The following SAXO2 variants were observed in gnomAD, a reference collection of about 807,000 sequenced individuals.
SAXO2 encodes family with sequence similarity 154, member B.
In SAXO2, 17 loss-of-function variants were observed where a neutral mutation model predicts 18.7. The ratio of observed to expected loss-of-function variants is 0.91; its 90% confidence interval spans 0.62 to 1.36. The LOEUF is 1.36. Among genes scored for constraint, SAXO2 ranks in the 40% most tolerant of loss-of-function variants. SAXO2 has a pLI of 0.00. For missense variants in SAXO2, 486 were observed against 562.6 expected (o/e 0.86, Z 1.38); for synonymous variants, 163 against 181.2 (o/e 0.90, Z 0.81).
intron 1 of SAXO2, among the ~76,000 whole-genome samples, chr15:82,265,073 G>T (rs981854208): frequency 6.6e-6 from 1 of 152,230 alleles, no homozygotes; most frequent in African/African-American, 2.4e-5. Context: ...CCACCACATA[G>T]GGATAGACCA....
At chr15:82,273,260 A>C (rs1029415737) in intron 3 of SAXO2, among the ~76,000 whole-genome samples, 1 of 152,094 alleles carries the variant, frequency 6.6e-6, no homozygotes, top group Admixed American at 6.6e-5. Context: ...AGTAGATATT[A>C]CTTTTATATC....
In SAXO2 at chr15:82,282,739, T is replaced by C. The variant is rs148788450; in HGVS notation, c.1054T>C (p.Trp352Arg). 1.1e-4 allele frequency: 177 copies of C among 1,614,078 alleles called. No homozygotes were observed. Among genetic ancestry groups the C allele is most frequent in the Non-Finnish European group, 1.4e-4 (168 of 1,180,028 alleles). The part of the protein sequence containing the change: ...KSIMKEDFPA[W>R]ESCRQGLIKK... The stretch of plus-strand genomic sequence containing the variant: ...CATCATGAAAGAAGATTTTCCAGCA[T>C]GGGAAAGTTGTCGTCAAGGACTTAT... Residue 352 changes from tryptophan to arginine, a missense_variant, in exon 4 of 4, where the codon TGG becomes CGG. Coordinates refer to ENST00000682753, the MANE Select transcript of SAXO2 (RefSeq NM_001348699.2).
At chr15:82,268,479 G>A (rs113978367) in intron 2 of SAXO2, among the ~76,000 whole-genome samples, 4 of 152,136 alleles carry the variant, frequency 2.6e-5, no homozygotes, top group Non-Finnish European at 5.9e-5. Context: ...GTAAGACATC[G>A]GATCTTTTCT....
Position 82,284,616 on chromosome 15 carries a change from G to A in SAXO2, c.*1554G>A, listed in dbSNP as rs1173480062. ...AAGAATGATGCCAGTAAGTATAGTA[G>A]AAACACTCTATTGCATTTATAAATG... On this transcript the variant is annotated 3_prime_UTR_variant, in exon 4 of 4. Coordinates refer to ENST00000682753, the MANE Select transcript of SAXO2 (RefSeq NM_001348699.2). 6.6e-6 allele frequency: 1 copy of A among 152,108 alleles called. No individual in the cohort carries two copies. The highest frequency in any genetic ancestry group is 1.5e-5 in the Non-Finnish European group (1 of 68,030). 9.4% of individuals were successfully genotyped at this position (152,108 alleles called of 1,614,324 possible).
chr15:82,264,679 A>G (rs1290310851), intron 1 of SAXO2: 9 of 702,382 alleles, frequency 1.3e-5, no homozygotes, highest in Non-Finnish European at 2.3e-5. Flanking sequence ...ACAGACCAGG[A>G]CTGACAAGGG....
intron 3 of SAXO2, among the ~76,000 whole-genome samples, chr15:82,276,379 A>G (rs1413170406): frequency 6.6e-6 from 1 of 152,184 alleles, no homozygotes; most frequent in East Asian, 1.9e-4. Flanking sequence ...ATAGAACCCA[A>G]AAAGAGCCTG....
rs149036522 is a variant in SAXO2 at position 82,272,834 on chromosome 15, C to T, written c.433+1032C>T. On this transcript the variant is annotated intron_variant, in intron 3 of 3. Coordinates refer to ENST00000682753, the MANE Select transcript of SAXO2 (RefSeq NM_001348699.2). ...CTAAGATCAAAGGCGTGAGCCACCA[C>T]GCGTGGCCCAAAAACCTGATTTTAA... 3.3e-3 allele frequency among the ~76,000 whole-genome samples: 495 copies of T among 151,950 alleles called. 2 individuals are homozygous for T. The highest frequency in any genetic ancestry group is 4.9e-3 in the Non-Finnish European group (332 of 67,974).
chr15:82,262,898 A>C lies in SAXO2; in HGVS notation c.19A>C (p.Arg7=), dbSNP rs1355572476. The C allele has an allele frequency of 1.2e-6, 2 of 1,603,280 alleles. No homozygotes were observed. The highest frequency in any genetic ancestry group is 1.7e-6 in the Non-Finnish European group (2 of 1,174,896). The part of the protein sequence containing the change: MGAKSM[R]SWCLCQICSC... The stretch of plus-strand genomic sequence containing the variant: ...GGAAAGCATGGGAGCCAAGAGTATG[A>C]GGAGCTGGTGTCTGTGTCAGATTTG... Residue 7 remains arginine (R), a synonymous_variant, in exon 1 of 4, where the codon AGG becomes CGG. Coordinates refer to ENST00000682753, the MANE Select transcript of SAXO2 (RefSeq NM_001348699.2).
intron 1 of SAXO2, among the ~76,000 whole-genome samples, chr15:82,264,079 T>G (rs1361071180): frequency 2.0e-5 from 3 of 149,692 alleles, no homozygotes; most frequent in East Asian, 1.9e-4. Flanking sequence ...TTTTTTTTTT[T>G]TTTTTTTTTT....
rs1386307649 is a variant in SAXO2, at chr15:82,284,511, G to A, written c.*1449G>A. 6.6e-6 allele frequency: 1 copy of A among 151,974 alleles called. No homozygotes were observed. Among genetic ancestry groups the A allele is most frequent in the Admixed American group, 6.6e-5 (1 of 15,264 alleles). 9.4% of individuals were successfully genotyped at this position (151,974 alleles called of 1,614,324 possible). On this transcript the variant is annotated 3_prime_UTR_variant, in exon 4 of 4. Coordinates refer to ENST00000682753, the MANE Select transcript of SAXO2 (RefSeq NM_001348699.2). ...CACCTAATTGCCAGGCCAAGTCACT[G>A]TTTAGAGGAAGAACCAGCCCCAGCA... is the stretch of plus-strand genomic sequence containing the variant.
In SAXO2 at chr15:82,263,016, C is replaced by T. The variant is rs1479520947; in HGVS notation, c.53+84C>T. ...TGCACGGAGCCGGCTCCTCGGGAAC[C>T]CTGAGAGTGGCCGTCCCCCGGAGAT... On this transcript the variant is annotated intron_variant, in intron 1 of 3. Coordinates refer to ENST00000682753, the MANE Select transcript of SAXO2 (RefSeq NM_001348699.2). The T allele has an allele frequency of 1.0e-5, 16 of 1,546,914 alleles. No homozygotes were observed. In the East Asian group the frequency reaches 3.9e-4, roughly 38 times the overall value.
At chr15:82,273,675 G>A (rs141474424) in intron 3 of SAXO2, among the ~76,000 whole-genome samples, 30 of 152,110 alleles carry the variant, frequency 2.0e-4, no homozygotes, top group Middle Eastern at 3.4e-3. Flanking sequence ...ATTGATATGC[G>A]TAGGAGAAAA....
intron 1 of SAXO2, 52 bp downstream of exon 1, chr15:82,262,984 G>A (rs1441991914): frequency 5.1e-6 from 8 of 1,569,006 alleles, no homozygotes; most frequent in African/African-American, 1.4e-5. Flanking sequence ...CCGACCTAGG[G>A]CCTAGGTGCA....
chr15:82,267,692 T>G (rs1363569463), intron 2 of SAXO2, among the ~76,000 whole-genome samples: 1 of 152,248 alleles, frequency 6.6e-6, no homozygotes, highest in Non-Finnish European at 1.5e-5. Context: ...ATTTATATTT[T>G]TAACATTTCA....
At chr15:82,278,820 A>G (rs2075338250) in intron 3 of SAXO2, among the ~76,000 whole-genome samples, 1 of 152,238 alleles carries the variant, frequency 6.6e-6, no homozygotes, top group Non-Finnish European at 1.5e-5. Context: ...GGCTTTAAGC[A>G]AAAGTAACAA....
rs1567086394 is a variant in SAXO2 at position 82,264,067 on chromosome 15, G to GTTTTT, written c.53+1135_53+1136insTTTTT. On this transcript the variant is annotated intron_variant, in intron 1 of 3. Coordinates refer to ENST00000682753, the MANE Select transcript of SAXO2 (RefSeq NM_001348699.2). ...TTAAGACTTGTTTTACATATGCATT[G>GTTTTT]ATTTTTTTTTTTTTTTTTTTTTGAG... Among the ~76,000 whole-genome samples the GTTTTT allele has an allele frequency of 4.5e-5, 6 of 134,132 alleles. 1 individual carries two copies. Among genetic ancestry groups the GTTTTT allele is most frequent in the Non-Finnish European group, 6.3e-5 (4 of 63,414 alleles). The allele number at this position is 134,132 out of a possible 152,430, so 88.0% of individuals were successfully genotyped here.
At chr15:82,279,216 T>C (rs1162603579) in intron 3 of SAXO2, among the ~76,000 whole-genome samples, 1 of 152,230 alleles carries the variant, frequency 6.6e-6, no homozygotes, top group South Asian at 2.1e-4. Flanking sequence ...ACGTTTATTT[T>C]ACATTGTGGC....
Position 82,277,428 on chromosome 15 carries a change from A to T in SAXO2, c.434-4691A>T, listed in dbSNP as rs188684437. 4.2e-4 allele frequency among the ~76,000 whole-genome samples: 64 copies of T among 152,322 alleles called. No homozygotes were observed. In the East Asian group the frequency reaches 0.012, roughly 29 times the overall value. On this transcript the variant is annotated intron_variant, in intron 3 of 3. Transcript: ENST00000682753. ...ATAAATTTTTTGAAAAATACAATTT[A>T]CCAAAAGTAACCCAAGAAGAAATAA...
chr15:82,263,960 TATC>T (rs1036628121), intron 1 of SAXO2, among the ~76,000 whole-genome samples: 27 of 152,230 alleles, frequency 1.8e-4, no homozygotes, highest in African/African-American at 6.0e-4. Context: ...ACACAAGAAG[TATC>T]ATAAAAATCT....
Sources: gnomAD v4.1 joint callset for allele counts (sites outside exome capture counted in the v4.1 genomes callset) on GRCh38, gnomAD v4.1.1 for gene constraint, MANE v1.5 for transcripts, NCBI Gene and HGNC (gene_info 2026-07-23, HGNC 2026-07-21) for gene names.